The following THSD4 variants were observed in gnomAD, a reference collection of about 807,000 sequenced individuals.
The protein encoded by THSD4 is thrombospondin type-1 domain-containing protein 4.
Under a neutral mutation model 119.0 loss-of-function variants are expected in THSD4, and 69 were observed. The observed-to-expected ratio is 0.58, with a 90% CI of 0.48 to 0.71. THSD4 has a LOEUF of 0.71. Ranked by LOEUF, THSD4 falls within the 30% of genes least tolerant of loss-of-function variation. THSD4 has a pLI of 0.00. For synonymous variants in THSD4, 524 were observed against 540.4 expected (o/e 0.97, Z 0.42); for missense variants, 1,393 against 1,391.1 (o/e 1.00, Z -0.02).
chr15:71,520,595 C>T (rs751722760), intron 7 of THSD4, among the ~76,000 whole-genome samples: 14 of 152,278 alleles, frequency 9.2e-5, no homozygotes, highest in African/African-American at 3.1e-4. Context: ...CTGCAGTTCT[C>T]GTTTGGAGAT....
intron 7 of THSD4, among the ~76,000 whole-genome samples, chr15:71,439,160 C>T (rs1347798772): frequency 2.0e-5 from 3 of 152,156 alleles, no homozygotes; most frequent in Non-Finnish European, 4.4e-5. Flanking sequence ...CTCCCATAGG[C>T]GGCTCTTGAG....
At chr15:71,695,666 C>T (rs2052151209) in intron 8 of THSD4, among the ~76,000 whole-genome samples, 1 of 152,024 alleles carries the variant, frequency 6.6e-6, no homozygotes, top group African/African-American at 2.4e-5. Flanking sequence ...GCCTGAGTCC[C>T]AACCAACCCA....
chr15:71,437,691 G>A (rs943525224), intron 7 of THSD4, among the ~76,000 whole-genome samples: 1 of 152,138 alleles, frequency 6.6e-6, no homozygotes, highest in Admixed American at 6.5e-5. Flanking sequence ...TGGTACATGG[G>A]TCCCTTTACA....
intron 7 of THSD4, among the ~76,000 whole-genome samples, chr15:71,542,490 C>G (rs1473462046): frequency 6.6e-6 from 1 of 151,970 alleles, no homozygotes; most frequent in Non-Finnish European, 1.5e-5. Flanking sequence ...AATAGAATAC[C>G]CCTGACGAAT....
At chr15:71,372,263 CCTT>C (rs2046062614) in intron 6 of THSD4, among the ~76,000 whole-genome samples, 1 of 152,230 alleles carries the variant, frequency 6.6e-6, no homozygotes, top group Non-Finnish European at 1.5e-5. Flanking sequence ...TCGTCTGAAG[CCTT>C]CTTCTCTCAA....
intron 3 of THSD4, chr15:71,188,990 T>TC (rs1338602857): frequency 1.3e-5 from 2 of 152,668 alleles, no homozygotes; most frequent in Non-Finnish European, 2.9e-5. Flanking sequence ...ATTCATTTTG[T>TC]CTTGTGCCTG....
At chr15:71,389,243 T>G (rs997602911) in intron 6 of THSD4, among the ~76,000 whole-genome samples, 3 of 152,178 alleles carry the variant, frequency 2.0e-5, no homozygotes, top group African/African-American at 7.2e-5. Flanking sequence ...TCTTTTCATC[T>G]TCCAAAATGA....
chr15:71,728,881 A>T, intron 9 of THSD4, 157 bp downstream of exon 9: 1 of 936,942 alleles, frequency 1.1e-6, no homozygotes. Context: ...CTTGGCGTTC[A>T]TCTTTGCCTT....
intron 7 of THSD4, among the ~76,000 whole-genome samples, chr15:71,570,117 G>A (rs1567041951): frequency 6.6e-6 from 1 of 152,122 alleles, no homozygotes; most frequent in Non-Finnish European, 1.5e-5. Context: ...CTTTTTATGA[G>A]AACAATTAAT....
chr15:71,625,145 T>C (rs895573552), intron 7 of THSD4, among the ~76,000 whole-genome samples: 2 of 152,152 alleles, frequency 1.3e-5, no homozygotes, highest in African/African-American at 4.8e-5. Flanking sequence ...TAGCCAGGAC[T>C]GCAGATATGC....
At chr15:71,479,629 T>C (rs2047700267) in intron 7 of THSD4, among the ~76,000 whole-genome samples, 2 of 152,198 alleles carry the variant, frequency 1.3e-5, no homozygotes, top group African/African-American at 4.8e-5. Context: ...GGGCTGTTTT[T>C]TATATGTTGA....
intron 6 of THSD4, among the ~76,000 whole-genome samples, chr15:71,356,570 G>A (rs887289179): frequency 6.6e-6 from 1 of 152,184 alleles, no homozygotes; most frequent in African/African-American, 2.4e-5. Flanking sequence ...TGGAGAGAAG[G>A]AAGGAAAGGG....
intron 7 of THSD4, among the ~76,000 whole-genome samples, chr15:71,601,534 G>A (rs565365632): frequency 2.6e-5 from 4 of 152,334 alleles, no homozygotes; most frequent in African/African-American, 7.2e-5. Flanking sequence ...ATAAATGACT[G>A]TAATTGCACC....
intron 8 of THSD4, among the ~76,000 whole-genome samples, chr15:71,702,182 G>A (rs1053004514): frequency 5.3e-5 from 8 of 152,188 alleles, no homozygotes; most frequent in African/African-American, 1.7e-4. Flanking sequence ...GGCAGGCCTC[G>A]TCCAGGGGCC....
chr15:71,280,558 A>G (rs2044639209), intron 6 of THSD4, among the ~76,000 whole-genome samples: 1 of 152,210 alleles, frequency 6.6e-6, no homozygotes, highest in Non-Finnish European at 1.5e-5. Flanking sequence ...CCTGCACAGC[A>G]GCCAAATTCC....
chr15:71,720,968 A>C (rs1252453442), intron 8 of THSD4, among the ~76,000 whole-genome samples: 1 of 152,274 alleles, frequency 6.6e-6, no homozygotes, highest in African/African-American at 2.4e-5. Context: ...CAAAGAAGGA[A>C]ACAAACATTT....
chr15:71,751,514 G>T (rs1016247706), intron 14 of THSD4, among the ~76,000 whole-genome samples: 1 of 151,858 alleles, frequency 6.6e-6, no homozygotes, highest in Non-Finnish European at 1.5e-5. Context: ...ATATCATAAT[G>T]TATGTATAAT....
At chr15:71,677,122 T>C (rs1314355905) in intron 8 of THSD4, among the ~76,000 whole-genome samples, 1 of 152,166 alleles carries the variant, frequency 6.6e-6, no homozygotes, top group Non-Finnish European at 1.5e-5. Flanking sequence ...TTTGAAAGAG[T>C]ATTTAAGCAT....
At chr15:71,515,262 C>A (rs1267414515) in intron 7 of THSD4, among the ~76,000 whole-genome samples, 1 of 152,170 alleles carries the variant, frequency 6.6e-6, no homozygotes, top group Non-Finnish European at 1.5e-5. Flanking sequence ...AGAAATTAAC[C>A]TTTGATGTTG....
Sources: allele counts gnomAD v4.1 joint callset (sites outside exome capture counted in the v4.1 genomes callset), GRCh38; gene constraint gnomAD v4.1.1; transcripts MANE v1.5; gene names NCBI Gene and HGNC (gene_info 2026-07-23, HGNC 2026-07-21).